Variants in TSPAN9 observed in about 807,000 individuals in gnomAD.
TSPAN9 encodes tetraspanin 9, also known as tetraspanin-9.
A neutral mutation model predicts 31.0 loss-of-function variants in TSPAN9; 16 were observed. The observed-to-expected ratio is 0.52, with a 90% CI of 0.35 to 0.78. TSPAN9 has a LOEUF of 0.78. Among genes scored for constraint, TSPAN9 ranks in the 30% least tolerant of loss-of-function variants. The pLI is 0.01. For missense variants in TSPAN9, 272 were observed against 312.5 expected, an observed-to-expected ratio of 0.87 and a Z score of 0.98; for synonymous variants, 145 against 121.6, an observed-to-expected ratio of 1.19 and a Z score of -1.27.
At chr12:3,275,663 C>T (rs1359736324) in intron 3 of TSPAN9, among the ~76,000 whole-genome samples, 2 of 152,240 alleles carry the variant, frequency 1.3e-5, no homozygotes, top group South Asian at 2.1e-4. Flanking sequence ...CGTTCCCTGG[C>T]GAAGCTTTGT....
rs562477356 is a variant in TSPAN9 at position 3,218,706 on chromosome 12, G to A, written c.63+17450G>A. Among the ~76,000 whole-genome samples, 339 of 152,334 alleles carry A rather than the reference G, an allele frequency of 2.2e-3. 1 individual carries two copies. The highest frequency in any genetic ancestry group is 3.6e-3 in the Non-Finnish European group (247 of 68,012). ...TACTCTAGCACTGGGGGCTGAGCCC[G>A]CTTGGCTGGGTGCCTCGGGCCGCCT... On this transcript the variant is annotated intron_variant, in intron 3 of 8. Coordinates refer to ENST00000011898, the MANE Select transcript of TSPAN9 (RefSeq NM_006675.5).
intron 2 of TSPAN9, among the ~76,000 whole-genome samples, chr12:3,174,865 A>G (rs1011516914): frequency 1.3e-5 from 2 of 152,090 alleles, no homozygotes; most frequent in Non-Finnish European, 1.5e-5. Flanking sequence ...TACAGGCGTG[A>G]GCCACCGCAC....
At chr12:3,101,480 C>T (rs995337000) in intron 2 of TSPAN9, among the ~76,000 whole-genome samples, 58 of 152,162 alleles carry the variant, frequency 3.8e-4, no homozygotes, top group African/African-American at 1.4e-3. Context: ...GGATCTTACT[C>T]CTCCTCTGAG....
rs141310333 is a variant in TSPAN9, at chr12:3,218,532, A to G, written c.63+17276A>G. Reference sequence around the variant, plus strand: ...CTTCTCAGGCAAGCCTGGGTGGGCCAGGGGTGATGGCGGTAGGAGCGGGCC... The same window carrying G: ...CTTCTCAGGCAAGCCTGGGTGGGCCGGGGGTGATGGCGGTAGGAGCGGGCC... On this transcript the variant is annotated intron_variant, in intron 3 of 8. Transcript: ENST00000011898. Among the ~76,000 whole-genome samples, 1,337 of 152,328 alleles carry G rather than the reference A, an allele frequency of 8.8e-3. 11 individuals carry two copies. The highest frequency in any genetic ancestry group is 0.027 in the Middle Eastern group (8 of 294).
chr12:3,113,082 A>G (rs2098320036), intron 2 of TSPAN9, among the ~76,000 whole-genome samples: 1 of 152,212 alleles, frequency 6.6e-6, no homozygotes, highest in Admixed American at 6.5e-5. Context: ...AGCTAACTCT[A>G]TGTCAGGTCA....
chr12:3,130,610 C>T (rs571873609), intron 2 of TSPAN9, among the ~76,000 whole-genome samples: 14 of 152,244 alleles, frequency 9.2e-5, no homozygotes, highest in South Asian at 6.2e-4. Context: ...TTCCTAACTG[C>T]GTGACCTCGG....
intron 2 of TSPAN9, among the ~76,000 whole-genome samples, chr12:3,157,633 G>A (rs535879635): frequency 2.6e-5 from 4 of 152,258 alleles, no homozygotes; most frequent in South Asian, 2.1e-4. Context: ...ACTGCTGTCA[G>A]TGTAAACTAA....
At chr12:3,182,934 C>T (rs1056157670) in intron 2 of TSPAN9, among the ~76,000 whole-genome samples, 14 of 152,182 alleles carry the variant, frequency 9.2e-5, no homozygotes, top group Non-Finnish European at 1.8e-4. Flanking sequence ...GGGTCAGGGC[C>T]GCATGGTCGG....
chr12:3,095,633 C>A (rs2098307964), intron 2 of TSPAN9, among the ~76,000 whole-genome samples: 1 of 46,712 alleles, frequency 2.1e-5, no homozygotes, highest in Non-Finnish European at 4.1e-5. Flanking sequence ...GGAGGGCTGA[C>A]CCCCCCCACC....
At chr12:3,260,695 G>T (rs934805595) in intron 3 of TSPAN9, among the ~76,000 whole-genome samples, 1 of 152,352 alleles carries the variant, frequency 6.6e-6, no homozygotes, top group South Asian at 2.1e-4. Flanking sequence ...TTCAGTGAGG[G>T]AAGTCAGGTG....
chr12:3,249,205 C>T (rs1305475036), intron 3 of TSPAN9, among the ~76,000 whole-genome samples: 1 of 152,208 alleles, frequency 6.6e-6, no homozygotes, highest in Non-Finnish European at 1.5e-5. Flanking sequence ...CATCTTGTCA[C>T]CTGGACCCTC....
intron 3 of TSPAN9, among the ~76,000 whole-genome samples, chr12:3,256,650 C>T (rs1279734657): frequency 6.6e-6 from 1 of 152,180 alleles, no homozygotes; most frequent in Non-Finnish European, 1.5e-5. Context: ...TTCAGGAGGT[C>T]AGATAAGCTC....
chr12:3,199,628 G>T (rs941060493), intron 2 of TSPAN9, among the ~76,000 whole-genome samples: 4 of 152,344 alleles, frequency 2.6e-5, no homozygotes, highest in East Asian at 3.9e-4. Flanking sequence ...GTCCCTGTCA[G>T]CCTGCCTGGG....
At chr12:3,098,620 T>C (rs572959649) in intron 2 of TSPAN9, among the ~76,000 whole-genome samples, 2 of 152,328 alleles carry the variant, frequency 1.3e-5, no homozygotes, top group Non-Finnish European at 2.9e-5. Flanking sequence ...CCGTATTGTT[T>C]CTGTAATGCC....
chr12:3,214,800 C>G (rs1384225053), intron 3 of TSPAN9, among the ~76,000 whole-genome samples: 1 of 152,138 alleles, frequency 6.6e-6, no homozygotes, highest in African/African-American at 2.4e-5. Context: ...GTCGCGGCTC[C>G]TTCCTATTGT....
intron 3 of TSPAN9, among the ~76,000 whole-genome samples, chr12:3,275,180 T>G (rs1195547514): frequency 6.6e-6 from 1 of 152,122 alleles, no homozygotes; most frequent in Non-Finnish European, 1.5e-5. Flanking sequence ...TAGGTAGAGG[T>G]ACCTGAGCAT....
chr12:3,248,510 C>T (rs781097313), intron 3 of TSPAN9, among the ~76,000 whole-genome samples: 16 of 152,208 alleles, frequency 1.1e-4, no homozygotes, highest in Non-Finnish European at 2.2e-4. Context: ...CAAACCTGCC[C>T]AGCCTCTTGG....
At chr12:3,281,367 G>A (rs761261476) in intron 7 of TSPAN9, 38 bp downstream of exon 7, 42 of 1,527,968 alleles carry the variant, frequency 2.7e-5, no homozygotes, top group South Asian at 1.3e-4. Flanking sequence ...CCAAGAGCCC[G>A]TGTGTGGATG....
chr12:3,281,289 A>G lies in TSPAN9; in HGVS notation c.524A>G (p.Gln175Arg), dbSNP rs1862888683. ...VPDRCCMENS[Q>R]GCGRNATTPL... Reference sequence around the variant, plus strand: ...GACCGCTGCTGCATGGAGAACTCCCAGGGCTGCGGGCGCAACGCCACCACG... The same window carrying G: ...GACCGCTGCTGCATGGAGAACTCCCGGGGCTGCGGGCGCAACGCCACCACG... Residue 175 changes from glutamine to arginine, a missense_variant, in exon 7 of 9, where the codon CAG becomes CGG. Physicochemically the swap from Gln to Arg is conservative, Grantham distance 43. Coordinates refer to ENST00000011898, the MANE Select transcript of TSPAN9 (RefSeq NM_006675.5). 1.3e-6 allele frequency: 2 copies of G among 1,551,058 alleles called. No homozygotes were observed. Among genetic ancestry groups the G allele is most frequent in the Non-Finnish European group, 1.7e-6 (2 of 1,146,904 alleles).
Sources: gnomAD v4.1 joint callset for allele counts (sites outside exome capture counted in the v4.1 genomes callset) on GRCh38, gnomAD v4.1.1 for gene constraint, MANE v1.5 for transcripts, NCBI Gene and HGNC (gene_info 2026-07-23, HGNC 2026-07-21) for gene names.